Variants in HYDIN observed in about 807,000 individuals in gnomAD.
The protein encoded by HYDIN is axonemal central pair apparatus protein HYDIN.
HYDIN carries 132 observed loss-of-function variants against 403.9 expected under a neutral mutation model. The ratio of observed to expected loss-of-function variants is 0.33; its 90% CI spans 0.28 to 0.38. HYDIN has a LOEUF of 0.38. Ranked by LOEUF, HYDIN falls within the 10% of genes least tolerant of loss-of-function variation. The pLI, the probability that HYDIN is intolerant of heterozygous loss-of-function variation, is 1.00. For missense variants in HYDIN, 2,827 were observed against 5,009.5 expected, an observed-to-expected ratio of 0.56 and a Z score of 13.15; for synonymous variants, 1,202 against 1,891.7, an observed-to-expected ratio of 0.64 and a Z score of 9.46.
At chr16:71,212,044 C>T (rs1436659258) in intron 1 of HYDIN, among the ~76,000 whole-genome samples, 1 of 152,084 alleles carries the variant, frequency 6.6e-6, no homozygotes, top group African/African-American at 2.4e-5. Context: ...CGAAGGGCAA[C>T]TGTTCTACAC....
intron 29 of HYDIN, among the ~76,000 whole-genome samples, 160 bp from the exon 30 acceptor site, chr16:70,979,201 G>C (rs1239163750): frequency 2.8e-5 from 4 of 145,322 alleles, no homozygotes; most frequent in Non-Finnish European, 4.5e-5. Context: ...TGCTTCAGAG[G>C]GTGAGGTGAT....
Position 70,967,049 on chromosome 16 carries a change from G to A in HYDIN, c.5620-2153C>T, listed in dbSNP as rs577420600. Among the ~76,000 whole-genome samples the A allele has an allele frequency of 1.1e-4, 17 of 151,756 alleles. No individual in the cohort carries two copies. The East Asian group carries it at 2.7e-3, about 24-fold the overall frequency. The stretch of plus-strand genomic sequence containing the variant: ...AAATTAGAGGATGGAAAGGGGAGAA[G>A]GAAAAAGAGATTACTAGCTAATTTT... On this transcript the variant is annotated intron_variant, in intron 36 of 85. Coordinates refer to ENST00000393567, the MANE Select transcript of HYDIN (RefSeq NM_001270974.2).
chr16:71,069,681 T>C (rs1000776162), intron 13 of HYDIN, among the ~76,000 whole-genome samples, 179 bp from the exon 14 acceptor site: 9 of 152,250 alleles, frequency 5.9e-5, no homozygotes, highest in African/African-American at 1.9e-4. Context: ...AAATACATTT[T>C]CATTCATTAA....
At chr16:71,151,052 AG>A (rs2085518547) in intron 7 of HYDIN, among the ~76,000 whole-genome samples, 1 of 152,174 alleles carries the variant, frequency 6.6e-6, no homozygotes, top group Non-Finnish European at 1.5e-5. Flanking sequence ...CATGTTGGTG[AG>A]GATGTGAAGC....
intron 1 of HYDIN, among the ~76,000 whole-genome samples, chr16:71,211,503 G>T (rs565891088): frequency 2.0e-5 from 3 of 151,976 alleles, no homozygotes; most frequent in Non-Finnish European, 2.9e-5. Flanking sequence ...TTAGCCGGGC[G>T]TGGTGAGGGG....
chr16:70,959,243 T>G (rs3843039), intron 39 of HYDIN: 1 of 157,130 alleles, frequency 6.4e-6, no homozygotes, highest in Non-Finnish European at 1.4e-5. Flanking sequence ...TTCTTTTCAA[T>G]GAGGATTCAC....
At chr16:70,980,621 G>C (rs77575019) in intron 29 of HYDIN, among the ~76,000 whole-genome samples, 12,410 of 151,346 alleles carry the variant, frequency 0.082, 682 homozygotes, top group South Asian at 0.15. Context: ...TTATGAACAG[G>C]AGAGTTAGTA....
At chr16:70,871,985 G>C in intron 65 of HYDIN, 52 bp downstream of exon 65, 1 of 1,584,778 alleles carries the variant, frequency 6.3e-7, no homozygotes, top group Non-Finnish European at 8.6e-7. Context: ...ATCAGTCTGG[G>C]GTTGGCTTAG....
intron 1 of HYDIN, among the ~76,000 whole-genome samples, chr16:71,226,634 T>C (rs1278044904): frequency 6.6e-6 from 1 of 152,204 alleles, no homozygotes; most frequent in East Asian, 1.9e-4. Flanking sequence ...ACCAGCCCAA[T>C]TTCCTCACAG....
At chr16:70,909,757 G>T (rs2076641564) in intron 47 of HYDIN, among the ~76,000 whole-genome samples, 3 of 138,044 alleles carry the variant, frequency 2.2e-5, no homozygotes, top group African/African-American at 8.1e-5. Flanking sequence ...GTGCAGTGGT[G>T]CCATCTCAGC....
At chr16:71,116,550 G>A (rs11075870) in intron 9 of HYDIN, among the ~76,000 whole-genome samples, 11,646 of 105,904 alleles carry the variant, frequency 0.11, no homozygotes, top group East Asian at 0.15. Flanking sequence ...ATACCCAGAT[G>A]AGGGATTGTG....
chr16:71,037,502 A>G (rs1020521773), intron 18 of HYDIN, among the ~76,000 whole-genome samples: 6 of 151,810 alleles, frequency 4.0e-5, no homozygotes, highest in Non-Finnish European at 8.8e-5. Context: ...GTTGCTGTGA[A>G]GGGATTTAGC....
chr16:70,849,786 G>A lies in HYDIN; in HGVS notation c.12813C>T (p.Ala4271=), dbSNP rs926769679. 4 of 846,406 alleles carry A rather than the reference G, an allele frequency of 4.7e-6. No individual in the cohort carries two copies. The highest frequency in any genetic ancestry group is 7.5e-6 in the Non-Finnish European group (4 of 535,336). 52.4% of individuals were successfully genotyped at this position (846,406 alleles called of 1,614,324 possible). The change falls in exon 75 of 86, where the codon GCC becomes GCT. Residue 4271 remains alanine (A), a synonymous_variant. Coordinates refer to ENST00000393567, the MANE Select transcript of HYDIN (RefSeq NM_001270974.2). The part of the protein sequence containing the change: ...STVDVGQSVH[A]TLSFQPLKKC... ...TCTTTAATGGTTGAAAAGACAGGGTGGCATGTACACTCTGTCCTACATCCA... is the reference window on the plus strand; with the variant it reads ...TCTTTAATGGTTGAAAAGACAGGGTAGCATGTACACTCTGTCCTACATCCA...
rs577798749 is a variant in HYDIN at position 70,861,982 on chromosome 16, A to G, written c.11777+66T>C. ...GATGGTGGCAGTGGTTGGACAGAAA[A>G]GGGGATAAGAGCCACAGAGCTTTGT... On this transcript the variant is annotated intron_variant, in intron 69 of 85. Transcript: ENST00000393567. 3,728 of 1,427,644 alleles carry G rather than the reference A, an allele frequency of 2.6e-3. 7 individuals are homozygous for G. The highest frequency in any genetic ancestry group is 4.8e-3 in the Middle Eastern group (20 of 4,186). The allele number at this position is 1,427,644 out of a possible 1,614,324, so 88.4% of individuals were successfully genotyped here.
chr16:71,212,472 A>C (rs1007028114), intron 1 of HYDIN, among the ~76,000 whole-genome samples: 1 of 152,200 alleles, frequency 6.6e-6, no homozygotes, highest in African/African-American at 2.4e-5. Context: ...AAATCGTTTA[A>C]ACAAAATGTT....
intron 1 of HYDIN, among the ~76,000 whole-genome samples, chr16:71,213,347 T>C (rs111503769): frequency 2.0e-5 from 3 of 152,244 alleles, no homozygotes; most frequent in African/African-American, 7.2e-5. Flanking sequence ...ACAGTAAAAA[T>C]AGGCTTTAAA....
chr16:70,973,192 T>G (rs12051152), intron 35 of HYDIN, 151 bp downstream of exon 35: 1 of 530,470 alleles, frequency 1.9e-6, no homozygotes, highest in South Asian at 2.9e-5. Flanking sequence ...ACAGCTCCTA[T>G]GTGAACCAGA....
At chr16:70,818,696 G>A (rs2036015868) in intron 83 of HYDIN, 124 bp from the exon 84 acceptor site, 12 of 587,428 alleles carry the variant, frequency 2.0e-5, no homozygotes, top group Non-Finnish European at 3.4e-5. Context: ...ACAGGTACCA[G>A]GCTGACAGGA....
intron 18 of HYDIN, among the ~76,000 whole-genome samples, chr16:71,054,168 G>A (rs1374566885): frequency 6.6e-6 from 1 of 152,280 alleles, no homozygotes. Context: ...ATAGTATATT[G>A]TAAATTCACC....
Sources: allele counts gnomAD v4.1 joint callset (sites outside exome capture counted in the v4.1 genomes callset), GRCh38; gene constraint gnomAD v4.1.1; transcripts MANE v1.5; gene names NCBI Gene and HGNC (gene_info 2026-07-23, HGNC 2026-07-21).